Variants in EHMT1 observed in about 807,000 individuals in gnomAD.
The protein encoded by EHMT1 is euchromatic histone lysine methyltransferase 1.
EHMT1 carries 15 observed loss-of-function variants against 147.2 expected under a neutral mutation model. The ratio of observed to expected loss-of-function variants is 0.10; its 90% CI spans 0.07 to 0.16. The LOEUF is 0.16. Among genes scored for constraint, EHMT1 ranks in the 10% least tolerant of loss-of-function variants. The pLI, the probability that EHMT1 is intolerant of heterozygous loss-of-function variation, is 1.00. For synonymous variants in EHMT1, 795 were observed against 709.6 expected, an observed-to-expected ratio of 1.12 and a Z score of -1.91; for missense variants, 1,587 against 1,772.4, an observed-to-expected ratio of 0.90 and a Z score of 1.88.
intron 1 of EHMT1, among the ~76,000 whole-genome samples, chr9:137,619,810 T>TGCTTGG (rs1842843272): frequency 1.3e-5 from 2 of 152,026 alleles, no homozygotes; most frequent in Non-Finnish European, 2.9e-5. Flanking sequence ...GCGTAGAGAT[T>TGCTTGG]AAAGTCTTGC....
At chr9:137,669,026 A>G (rs1290175788) in intron 1 of EHMT1, among the ~76,000 whole-genome samples, 2 of 152,134 alleles carry the variant, frequency 1.3e-5, no homozygotes, top group Non-Finnish European at 2.9e-5. Flanking sequence ...AGCTGGGACC[A>G]CGTGCGTGCG....
intron 15 of EHMT1, chr9:137,788,110 A>G: frequency 1.1e-5 from 14 of 1,315,468 alleles, no homozygotes; most frequent in Middle Eastern, 2.6e-4. Context: ...CAGAGGGGCC[A>G]CAGAGGCCTC....
Position 137,762,687 on chromosome 9 carries a change from G to T in EHMT1, c.1514G>T (p.Gly505Val). The change falls in exon 10 of 27, where the codon GGT (glycine) becomes GTT (valine). Residue 505 changes from glycine to valine, a missense_variant. Gly to Val is a moderately radical substitution (Grantham distance 109). Around this residue, in one of 7 missense-constraint regions of EHMT1, gnomAD observed 810 missense variants for 673.0 expected, o/e 1.20. Transcript: ENST00000460843. ...LSSQAEGLAN[G>V]PDVLETDGLQ... ...TGTGTGACGTTAGGGTTGGCCAACG[G>T]TCCAGATGTGCTGGAGACAGACGGC... 1 of 1,614,206 alleles carries T rather than the reference G, an allele frequency of 6.2e-7. No individual in the cohort carries two copies. The highest frequency in any genetic ancestry group is 1.7e-5 in the Admixed American group (1 of 60,022).
rs555964990 is a variant in EHMT1, at chr9:137,732,139, C to T, written c.823+3610C>T. ...CAGCTCCCAGGCTGGCCTGGCTCCA[C>T]TGCTGCTTGCCATCACACGGGGCAG... On this transcript the variant is annotated intron_variant, in intron 4 of 26. Transcript: ENST00000460843. The surrounding 1 kb of genome is among the most constrained non-coding windows in gnomAD (Gnocchi z 4.6). Among the ~76,000 whole-genome samples the T allele has an allele frequency of 1.3e-5, 2 of 152,232 alleles. No individual in the cohort carries two copies. Among genetic ancestry groups the T allele is most frequent in the Admixed American group, 1.3e-4 (2 of 15,292 alleles).
intron 1 of EHMT1, among the ~76,000 whole-genome samples, chr9:137,708,985 T>C (rs1037809594): frequency 1.3e-4 from 20 of 152,196 alleles, no homozygotes; most frequent in African/African-American, 4.8e-4. Context: ...CAGGCCATCA[T>C]CTCACTGCCT....
intron 1 of EHMT1, among the ~76,000 whole-genome samples, chr9:137,702,923 G>T (rs957115392): frequency 6.6e-6 from 1 of 152,174 alleles, no homozygotes; most frequent in Non-Finnish European, 1.5e-5. Flanking sequence ...ACAGGCATGC[G>T]CCACCACAGA....
chr9:137,631,080 A>T (rs557923037), intron 1 of EHMT1, among the ~76,000 whole-genome samples: 1 of 152,148 alleles, frequency 6.6e-6, no homozygotes, highest in South Asian at 2.1e-4. Flanking sequence ...GGACAGTTAC[A>T]TGGTTCAAAA....
In EHMT1 at chr9:137,716,972, C is replaced by G. The variant is rs139461232; in HGVS notation, c.432C>G (p.Ala144=). 29 of 1,611,028 alleles carry G rather than the reference C, an allele frequency of 1.8e-5. No individual in the cohort carries two copies. In the African/African-American group the frequency reaches 3.2e-4, roughly 18 times the overall value. The change falls in exon 3 of 27, where the codon GCC becomes GCG. Residue 144 remains alanine, a synonymous_variant. Transcript: ENST00000460843. ...CCTTGAGGACTACCAGCACTCTGGCCTCTTCGCTGCCTGGCCATGCTGCAA... is the reference window on the plus strand; with the variant it reads ...CCTTGAGGACTACCAGCACTCTGGCGTCTTCGCTGCCTGGCCATGCTGCAA... ...AQPLRTTSTL[A]SSLPGHAAKT... is the part of the protein sequence containing the mutation.
At chr9:137,665,129 A>C (rs1939492788) in intron 1 of EHMT1, among the ~76,000 whole-genome samples, 1 of 152,182 alleles carries the variant, frequency 6.6e-6, no homozygotes, top group African/African-American at 2.4e-5. Context: ...ATAGAAAATA[A>C]TATTTGTGCT....
At chr9:137,699,129 C>T (rs562874986) in intron 1 of EHMT1, among the ~76,000 whole-genome samples, 2 of 152,274 alleles carry the variant, frequency 1.3e-5, no homozygotes, top group South Asian at 2.1e-4. Flanking sequence ...ACCCTGAAGG[C>T]GCGCTGCCGT....
intron 23 of EHMT1, chr9:137,817,122 C>T: frequency 2.3e-6 from 1 of 433,450 alleles, no homozygotes; most frequent in Non-Finnish European, 4.3e-6. Flanking sequence ...CTAGTATTAG[C>T]ACCTCTGCCC....
chr9:137,752,795 G>T (rs899786538), intron 7 of EHMT1, among the ~76,000 whole-genome samples: 1 of 151,096 alleles, frequency 6.6e-6, no homozygotes, highest in Non-Finnish European at 1.5e-5. Flanking sequence ...CAGGTAGAAC[G>T]GCAGAGGGAG....
intron 1 of EHMT1, among the ~76,000 whole-genome samples, chr9:137,673,137 T>C (rs1336959037): frequency 6.6e-6 from 1 of 152,216 alleles, no homozygotes; most frequent in African/African-American, 2.4e-5. Context: ...ACCTTCCTTT[T>C]GCATCAGGGT....
chr9:137,643,919 T>C (rs901794123), intron 1 of EHMT1, among the ~76,000 whole-genome samples: 1 of 152,224 alleles, frequency 6.6e-6, no homozygotes, highest in Non-Finnish European at 1.5e-5. Flanking sequence ...TGATGAGTAC[T>C]TCATCTGCAG....
Position 137,778,112 on chromosome 9 carries a change from C to T in EHMT1, c.2192+57C>T, listed in dbSNP as rs373228590. 203 of 1,606,492 alleles carry T rather than the reference C, an allele frequency of 1.3e-4. No homozygotes were observed. In the East Asian group the frequency reaches 1.5e-3, roughly 11 times the overall value. ...TCAGAGCCTGTTTTAATCTGCACCCCGCGTTTTTCCCCATGGTGTCACTTT... is the reference window on the plus strand; with the variant it reads ...TCAGAGCCTGTTTTAATCTGCACCCTGCGTTTTTCCCCATGGTGTCACTTT... On this transcript the variant is annotated intron_variant, in intron 13 of 26. Transcript: ENST00000460843.
intron 2 of EHMT1, among the ~76,000 whole-genome samples, chr9:137,713,517 C>T (rs1010091903): frequency 2.0e-4 from 30 of 151,782 alleles, no homozygotes; most frequent in Admixed American, 1.4e-3. Context: ...ATGATCCACC[C>T]GCCTTGGCCT....
intron 1 of EHMT1, among the ~76,000 whole-genome samples, chr9:137,706,105 C>A (rs1482753056): frequency 6.6e-6 from 1 of 152,136 alleles, no homozygotes; most frequent in Non-Finnish European, 1.5e-5. Context: ...CTAGGCTCTG[C>A]CAGTCAAGGC....
chr9:137,814,577 C>T (rs1954771725), intron 22 of EHMT1, 69 bp downstream of exon 22: 1 of 1,549,464 alleles, frequency 6.5e-7, no homozygotes, highest in Non-Finnish European at 8.8e-7. Flanking sequence ...AAAAACAGTG[C>T]AGGCGTCTGT....
At chr9:137,832,197 A>C (rs1956244254) in intron 25 of EHMT1, among the ~76,000 whole-genome samples, 3 of 143,500 alleles carry the variant, frequency 2.1e-5, no homozygotes, top group South Asian at 4.5e-4. Context: ...CTCCCTCCAC[A>C]GGCCCCACCT....
Sources: allele counts gnomAD v4.1 joint callset (sites outside exome capture counted in the v4.1 genomes callset), GRCh38; gene constraint gnomAD v4.1.1; regional missense constraint gnomAD v4.1.1; non-coding constraint Gnocchi (gnomAD v3.1); transcripts MANE v1.5; gene names NCBI Gene and HGNC (gene_info 2026-07-23, HGNC 2026-07-21).